The following CCT2 variants were observed in gnomAD, a reference collection of about 807,000 sequenced individuals.
CCT2 encodes chaperonin containing TCP1 subunit 2.
CCT2 carries 18 observed loss-of-function variants against 61.8 expected under a neutral mutation model. The observed-to-expected ratio is 0.29, with a 90% CI of 0.20 to 0.43. The LOEUF (loss-of-function observed/expected upper bound fraction) is 0.43, where lower values mean the gene tolerates loss of function less well. Among genes scored for constraint, CCT2 ranks in the 20% least tolerant of loss-of-function variants. The pLI is 1.00. For missense variants in CCT2, 556 were observed against 656.9 expected (o/e 0.85, Z 1.68); for synonymous variants, 248 against 215.9 (o/e 1.15, Z -1.30).
chr12:69,593,216 C>G, intron 9 of CCT2, 113 bp downstream of exon 9: 9 of 936,670 alleles, frequency 9.6e-6, no homozygotes, highest in Non-Finnish European at 1.3e-5. Context: ...GATAACTTCA[C>G]TTAAATTATG....
At chr12:69,585,974 C>T (rs1881639045) in intron 1 of CCT2, 2 of 1,312,964 alleles carry the variant, frequency 1.5e-6, no homozygotes, top group Non-Finnish European at 1.9e-6. Context: ...CCCCTCCCTG[C>T]CTCATTCTTA....
intron 2 of CCT2, 121 bp downstream of exon 2, chr12:69,586,465 C>T: frequency 1.2e-5 from 9 of 727,592 alleles, no homozygotes; most frequent in South Asian, 6.4e-5. Flanking sequence ...GTCAGGAGTT[C>T]GAGACCAGCC....
At chr12:69,585,563 C>G in intron 1 of CCT2, 39 bp downstream of exon 1, 1 of 1,564,644 alleles carries the variant, frequency 6.4e-7, no homozygotes, top group Non-Finnish European at 8.7e-7. Flanking sequence ...TACCCCTGCT[C>G]CGCCGTGCTC....
chr12:69,588,344 G>A, intron 6 of CCT2, 82 bp downstream of exon 6: 1 of 998,104 alleles, frequency 1.0e-6, no homozygotes, highest in Non-Finnish European at 1.6e-6. Flanking sequence ...ATAGGACACT[G>A]AAAAGCATAC....
At chr12:69,594,396 A>T (rs1445883430) in intron 10 of CCT2, among the ~76,000 whole-genome samples, 1 of 152,228 alleles carries the variant, frequency 6.6e-6, no homozygotes, top group Non-Finnish European at 1.5e-5. Context: ...GTTAATTTTA[A>T]AAAATTTCTG....
chr12:69,592,582 C>CAT (rs1209033058), intron 8 of CCT2: 3 of 189,180 alleles, frequency 1.6e-5, no homozygotes, highest in Non-Finnish European at 3.3e-5. Context: ...TGTATATACA[C>CAT]ATATATATAC....
At chr12:69,592,911 G>T in intron 8 of CCT2, 65 bp from the exon 9 acceptor site, 1 of 1,526,716 alleles carries the variant, frequency 6.6e-7, no homozygotes, top group South Asian at 1.2e-5. Flanking sequence ...CTGGGCAACA[G>T]AGCGAGACTC....
At chr12:69,592,037 A>T in intron 7 of CCT2, 22 bp from the exon 8 acceptor site, 1 of 1,305,500 alleles carries the variant, frequency 7.7e-7, no homozygotes, top group Non-Finnish European at 1.1e-6. Flanking sequence ...TAAATATGAT[A>T]CTGTTCTTAT....
At chr12:69,588,343 T>C in intron 6 of CCT2, 81 bp downstream of exon 6, 1 of 1,010,678 alleles carries the variant, frequency 9.9e-7, no homozygotes, top group African/African-American at 1.6e-5. Flanking sequence ...TATAGGACAC[T>C]GAAAAGCATA....
At chr12:69,585,744 T>A in intron 1 of CCT2, 1 of 1,443,020 alleles carries the variant, frequency 6.9e-7, no homozygotes, top group Non-Finnish European at 9.1e-7. Context: ...CGTCTCCTTG[T>A]GCCTAGGTCT....
At chr12:69,597,845 TA>T in intron 12 of CCT2, 79 bp downstream of exon 12, 8 of 1,464,926 alleles carry the variant, frequency 5.5e-6, no homozygotes, top group Non-Finnish European at 7.5e-6. Flanking sequence ...TAATGGTTCT[TA>T]CAGAAATCTT....
chr12:69,598,626 T>C (rs1668571375), intron 14 of CCT2, among the ~76,000 whole-genome samples: 1 of 152,218 alleles, frequency 6.6e-6, no homozygotes, highest in African/African-American at 2.4e-5. Flanking sequence ...CCATAAGACA[T>C]GTAAAACTGG....
chr12:69,590,373 A>C (rs1881798779), intron 7 of CCT2, among the ~76,000 whole-genome samples: 1 of 152,200 alleles, frequency 6.6e-6, no homozygotes, highest in Non-Finnish European at 1.5e-5. Flanking sequence ...TTCTTTAACA[A>C]ATAATTATGT....
Position 69,589,204 on chromosome 12 carries a change from C to T in CCT2, c.447-281C>T, listed in dbSNP as rs1004985628. 8 of 432,594 alleles carry T rather than the reference C, an allele frequency of 1.8e-5. No individual in the cohort carries two copies. In the Middle Eastern group the frequency reaches 2.6e-3, roughly 143 times the overall value. The allele number at this position is 432,594 out of a possible 1,614,324, so 26.8% of individuals were successfully genotyped here. A position where few individuals can be genotyped will look rare whatever the true frequency, so the allele number is the denominator to read the frequency against. ...TCTCCCAAAGTGCTAGGATTACAGG[C>T]GTGAGCCACTGTGCCCGGCCATTTC... On this transcript the variant is annotated intron_variant, in intron 6 of 15. Coordinates refer to ENST00000299300, the MANE Select transcript of CCT2 (RefSeq NM_006431.3).
intron 11 of CCT2, 113 bp from the exon 12 acceptor site, chr12:69,597,525 T>C: frequency 8.5e-7 from 1 of 1,181,910 alleles, no homozygotes. Flanking sequence ...GGAGAATGTA[T>C]AATACAGGAA....
At chr12:69,586,052 G>A in intron 1 of CCT2, 5 of 1,373,836 alleles carry the variant, frequency 3.6e-6, no homozygotes, top group African/African-American at 1.7e-5. Flanking sequence ...TTATACTCCC[G>A]GGGGCCTTGT....
rs1882143864 is a variant in CCT2 at position 69,601,378 on chromosome 12, G to C, written c.*53G>C. ...ACCAGTTTCTAGCAAAGTTGTGTTT[G>C]AAAGATACTCTATTAAAGAAGACTG... On this transcript the variant is annotated 3_prime_UTR_variant, in exon 16 of 16. Transcript: ENST00000299300. The C allele has an allele frequency of 1.9e-6, 3 of 1,613,772 alleles. No homozygotes were observed. The highest frequency in any genetic ancestry group is 2.5e-6 in the Non-Finnish European group (3 of 1,179,906).
At chr12:69,591,969 A>T (rs1881846856) in intron 7 of CCT2, 90 bp from the exon 8 acceptor site, 1 of 701,526 alleles carries the variant, frequency 1.4e-6, no homozygotes, top group Non-Finnish European at 2.4e-6. Context: ...TCTTTGAAAC[A>T]GTGATATGAT....
intron 1 of CCT2, chr12:69,586,064 A>G: frequency 7.3e-7 from 1 of 1,378,554 alleles, no homozygotes; most frequent in East Asian, 2.6e-5. Context: ...GGGCCTTGTA[A>G]ATCCGAAAAG....
Sources: gnomAD v4.1 joint callset for allele counts (sites outside exome capture counted in the v4.1 genomes callset) on GRCh38, gnomAD v4.1.1 for gene constraint, MANE v1.5 for transcripts, NCBI Gene and HGNC (gene_info 2026-07-23, HGNC 2026-07-21) for gene names.